Variants in PDE4D observed in about 807,000 individuals in gnomAD.
PDE4D encodes phosphodiesterase 4D, also known as 3',5'-cyclic-AMP phosphodiesterase 4D.
In PDE4D, 24 loss-of-function variants were observed where a neutral mutation model predicts 87.4. The observed-to-expected ratio is 0.27, with a 90% CI of 0.20 to 0.39. PDE4D has a LOEUF of 0.39. Among genes scored for constraint, PDE4D ranks in the 10% least tolerant of loss-of-function variants. PDE4D has a pLI of 1.00. For synonymous variants in PDE4D, 384 were observed against 383.2 expected (o/e 1.00, Z -0.02); for missense variants, 714 against 1,041.0 (o/e 0.69, Z 4.32).
chr5:59,322,788 T>A (rs1427106899), intron 1 of PDE4D, among the ~76,000 whole-genome samples: 2 of 152,088 alleles, frequency 1.3e-5, no homozygotes, highest in Non-Finnish European at 2.9e-5. Context: ...AGTTGTAAAC[T>A]GTGCCACAAG....
intron 1 of PDE4D, among the ~76,000 whole-genome samples, chr5:59,509,950 T>A: frequency 6.8e-6 from 1 of 148,052 alleles, no homozygotes; most frequent in East Asian, 1.9e-4. Context: ...TTATATTTTT[T>A]GAATATTATA....
intron 1 of PDE4D, among the ~76,000 whole-genome samples, chr5:60,310,580 A>G (rs1307802792): frequency 6.6e-6 from 1 of 152,168 alleles, no homozygotes; most frequent in Admixed American, 6.5e-5. Context: ...ACCCTAGCAG[A>G]AAAGTGGGGT....
chr5:59,968,761 T>G (rs1476970386), intron 3 of PDE4D, among the ~76,000 whole-genome samples: 1 of 152,152 alleles, frequency 6.6e-6, no homozygotes, highest in Non-Finnish European at 1.5e-5. Context: ...GAGGAAATTG[T>G]TTAACTTCTC....
rs115836983 is a variant in PDE4D at position 59,027,783 on chromosome 5, C to T, written c.921+11076G>A. 6.7e-3 allele frequency among the ~76,000 whole-genome samples: 1,014 copies of T among 151,926 alleles called. 11 individuals carry two copies. The highest frequency in any genetic ancestry group is 0.023 in the African/African-American group (955 of 41,414). ...ATTTCCTTCCTGAGTCCCTAGAAAT[C>T]AGCTATTTTTTTTCAAAGAGTCTTG... On this transcript the variant is annotated intron_variant, in intron 6 of 14. Transcript: ENST00000340635.
chr5:58,985,561 G>A (rs780141962), intron 11 of PDE4D, among the ~76,000 whole-genome samples: 1 of 152,142 alleles, frequency 6.6e-6, no homozygotes, highest in Non-Finnish European at 1.5e-5. Context: ...CAGTGCTTCC[G>A]TAGCTTCCTT....
At chr5:60,000,821 C>T (rs922832143) in intron 2 of PDE4D, among the ~76,000 whole-genome samples, 3 of 152,114 alleles carry the variant, frequency 2.0e-5, no homozygotes, top group African/African-American at 4.8e-5. Context: ...TTGTATAGAG[C>T]TGTCTGCTAA....
chr5:60,244,110 A>T (rs2067083245), intron 1 of PDE4D, among the ~76,000 whole-genome samples: 1 of 152,052 alleles, frequency 6.6e-6, no homozygotes, highest in African/African-American at 2.4e-5. Flanking sequence ...GTAAATTTAC[A>T]GGATACAAAA....
At chr5:60,210,754 A>ATT (rs36007402) in intron 1 of PDE4D, among the ~76,000 whole-genome samples, 5,746 of 145,864 alleles carry the variant, frequency 0.039, 185 homozygotes, top group African/African-American at 0.087. Flanking sequence ...GGGTTTCCTA[A>ATT]TTTTTTTTTT....
At chr5:59,092,341 C>G (rs1768896035) in intron 5 of PDE4D, among the ~76,000 whole-genome samples, 1 of 152,066 alleles carries the variant, frequency 6.6e-6, no homozygotes, top group Non-Finnish European at 1.5e-5. Context: ...AGTAAGAGTA[C>G]AGAATTCAAA....
chr5:59,862,601 C>T (rs1046850000), intron 1 of PDE4D, among the ~76,000 whole-genome samples: 1 of 152,180 alleles, frequency 6.6e-6, no homozygotes. Flanking sequence ...AATGGGGATG[C>T]TAATAAGACC....
Position 59,031,400 on chromosome 5 carries a change from A to G in PDE4D, c.921+7459T>C, listed in dbSNP as rs1211327216. On this transcript the variant is annotated intron_variant, in intron 6 of 14. Coordinates refer to ENST00000340635, the MANE Select transcript of PDE4D (RefSeq NM_001104631.2). Reference sequence around the variant, plus strand: ...ATATATATATATATATATTATATATATATATATATATATATAGATTATACA... The same window carrying G: ...ATATATATATATATATATTATATATGTATATATATATATATAGATTATACA... Among the ~76,000 whole-genome samples the G allele has an allele frequency of 1.0e-3, 96 of 96,162 alleles. 3 individuals are homozygous for G. In the East Asian group the frequency reaches 0.068, roughly 69 times the overall value. 63.1% of individuals were successfully genotyped at this position (96,162 alleles called of 152,430 possible).
At chr5:59,285,720 T>C (rs1766809370) in intron 1 of PDE4D, among the ~76,000 whole-genome samples, 2 of 152,202 alleles carry the variant, frequency 1.3e-5, no homozygotes. Context: ...ATTTGAATTC[T>C]AATAGGAACC....
intron 1 of PDE4D, among the ~76,000 whole-genome samples, chr5:59,507,792 AG>A (rs1216027598): frequency 6.6e-6 from 1 of 152,134 alleles, no homozygotes. Context: ...ATATTATCTT[AG>A]AAATCACAAT....
intron 1 of PDE4D, among the ~76,000 whole-genome samples, chr5:59,508,290 C>T (rs1333075871): frequency 6.6e-6 from 1 of 152,080 alleles, no homozygotes; most frequent in African/African-American, 2.4e-5. Context: ...CAAGACTTGT[C>T]TTGGTTTCAG....
intron 1 of PDE4D, chr5:59,275,539 T>A: frequency 6.9e-7 from 1 of 1,453,996 alleles, no homozygotes; most frequent in South Asian, 1.5e-5. Flanking sequence ...TTTCCTGGAG[T>A]CCATCTCCTG....
chr5:59,411,658 C>T (rs1319604633), intron 1 of PDE4D, among the ~76,000 whole-genome samples: 2 of 152,098 alleles, frequency 1.3e-5, no homozygotes, highest in African/African-American at 2.4e-5. Flanking sequence ...ATAAAGGTAT[C>T]ATTCAGATTG....
chr5:59,149,090 G>A (rs1461911458), intron 5 of PDE4D, among the ~76,000 whole-genome samples: 1 of 152,064 alleles, frequency 6.6e-6, no homozygotes, highest in East Asian at 1.9e-4. Context: ...AAGCAAAGGT[G>A]TTAATTATTC....
At chr5:60,255,804 CACAACA>C (rs71606627) in intron 1 of PDE4D, among the ~76,000 whole-genome samples, 1 of 151,048 alleles carries the variant, frequency 6.6e-6, no homozygotes, top group South Asian at 2.1e-4. Context: ...ACTCTATCTC[CACAACA>C]ACAACAACAA....
intron 1 of PDE4D, among the ~76,000 whole-genome samples, chr5:59,595,985 A>G (rs1205021582): frequency 6.6e-6 from 1 of 151,640 alleles, no homozygotes; most frequent in African/African-American, 2.4e-5. Flanking sequence ...TTCTGCCAGT[A>G]CTGGTTTTTA....
Sources: allele counts gnomAD v4.1 joint callset (sites outside exome capture counted in the v4.1 genomes callset), GRCh38; gene constraint gnomAD v4.1.1; transcripts MANE v1.5; gene names NCBI Gene and HGNC (gene_info 2026-07-23, HGNC 2026-07-21).